Variants in NTM observed in about 807,000 individuals in gnomAD.
NTM encodes neurotrimin.
NTM carries 13 observed loss-of-function variants against 42.1 expected under a neutral mutation model. The ratio of observed to expected loss-of-function variants is 0.31; its 90% CI spans 0.20 to 0.49. NTM has a LOEUF of 0.49. Ranked by LOEUF, NTM falls within the 20% of genes least tolerant of loss-of-function variation. NTM has a pLI of 0.99. For missense variants in NTM, 373 were observed against 452.8 expected, an observed-to-expected ratio of 0.82 and a Z score of 1.60; for synonymous variants, 187 against 179.2, an observed-to-expected ratio of 1.04 and a Z score of -0.35.
At chr11:132,143,565 A>T (rs1292886655) in intron 2 of NTM, among the ~76,000 whole-genome samples, 1 of 152,202 alleles carries the variant, frequency 6.6e-6, no homozygotes, top group Non-Finnish European at 1.5e-5. Flanking sequence ...ATTGGCAATA[A>T]GTGAACCCAA....
rs2090222903 is a variant in NTM at position 131,789,537 on chromosome 11, AAGAAGAAGAAAAGAAG to A, written c.83-122025_83-122010del. ...GAAGAAGAAGAAGAAGAAGAAGAAG[AAGAAGAAGAAAAGAAG>A]AAGAAGAAGAAGAAGAAGAAGAAGA... is the stretch of plus-strand genomic sequence containing the variant. On this transcript the variant is annotated intron_variant, in intron 1 of 8. Coordinates refer to ENST00000683400, the MANE Select transcript of NTM (RefSeq NM_001352005.2). 1.7e-4 allele frequency among the ~76,000 whole-genome samples: 5 copies of A among 29,228 alleles called. 2 individuals are homozygous for A. Among genetic ancestry groups the A allele is most frequent in the Admixed American group, 8.9e-4 (2 of 2,240 alleles). The allele number at this position is 29,228 out of a possible 152,430, so 19.2% of individuals were successfully genotyped here. A position where few individuals can be genotyped will look rare whatever the true frequency, so the allele number is the denominator to read the frequency against.
At chr11:132,325,801 A>G (rs1318764648) in intron 7 of NTM, among the ~76,000 whole-genome samples, 1 of 152,368 alleles carries the variant, frequency 6.6e-6, no homozygotes, top group East Asian at 1.9e-4. Flanking sequence ...GATTAAGAAA[A>G]TGTGGCACAT....
chr11:132,181,954 G>GA, intron 3 of NTM, among the ~76,000 whole-genome samples: 1 of 81,830 alleles, frequency 1.2e-5, no homozygotes, highest in Non-Finnish European at 2.7e-5. Context: ...ACACTATCTA[G>GA]TTTATTATTA....
chr11:131,417,650 G>T (rs1253420761), intron 1 of NTM, among the ~76,000 whole-genome samples: 1 of 152,148 alleles, frequency 6.6e-6, no homozygotes, highest in Non-Finnish European at 1.5e-5. Flanking sequence ...TATTTTAATT[G>T]AGGTGTTCAG....
Position 132,314,834 on chromosome 11 carries a change from A to C in NTM, c.934+131A>C. On this transcript the variant is annotated intron_variant, in intron 7 of 8. Transcript: ENST00000683400. ...AGTGGACATGGAGAGGGAGGAAAAA[A>C]AAGAGAGAGACACAGAAAGAAATGG... The C allele has an allele frequency of 2.9e-6, 4 of 1,400,982 alleles. No individual in the cohort carries two copies. The South Asian group carries it at 5.3e-5, about 18-fold the overall frequency. 86.8% of individuals were successfully genotyped at this position (1,400,982 alleles called of 1,614,324 possible).
intron 2 of NTM, among the ~76,000 whole-genome samples, chr11:132,004,461 T>A (rs1273437215): frequency 6.6e-6 from 1 of 152,212 alleles, no homozygotes; most frequent in Non-Finnish European, 1.5e-5. Flanking sequence ...TTCTCTTGTC[T>A]GGTTAACTTC....
intron 1 of NTM, among the ~76,000 whole-genome samples, chr11:131,637,538 A>G (rs1346089050): frequency 6.6e-6 from 1 of 151,314 alleles, no homozygotes; most frequent in Non-Finnish European, 1.5e-5. Flanking sequence ...CTCTACTTGT[A>G]ATAATCCTGT....
chr11:131,691,832 C>T (rs116787007), intron 1 of NTM, among the ~76,000 whole-genome samples: 2,500 of 152,334 alleles, frequency 0.016, 70 homozygotes, highest in African/African-American at 0.057. Context: ...AGGCGTCTTT[C>T]GTGTGTCATG....
chr11:131,394,732 G>T (rs1944369568), intron 1 of NTM, among the ~76,000 whole-genome samples: 1 of 152,094 alleles, frequency 6.6e-6, no homozygotes, highest in South Asian at 2.1e-4. Flanking sequence ...CTACTGAGAG[G>T]CCCTGCAGAA....
intron 1 of NTM, among the ~76,000 whole-genome samples, chr11:131,789,934 C>T (rs1201243542): frequency 3.3e-4 from 38 of 114,018 alleles, no homozygotes; most frequent in Admixed American, 9.0e-4. Context: ...CCAGCCTGGG[C>T]GACAGAGCGA....
chr11:131,818,312 A>G (rs928728843), intron 1 of NTM, among the ~76,000 whole-genome samples: 2 of 152,194 alleles, frequency 1.3e-5, no homozygotes, highest in Non-Finnish European at 2.9e-5. Flanking sequence ...ACATACTTAA[A>G]CAAAACAGAG....
At chr11:132,271,031 C>T (rs564421286) in intron 4 of NTM, among the ~76,000 whole-genome samples, 1 of 152,130 alleles carries the variant, frequency 6.6e-6, no homozygotes, top group South Asian at 2.1e-4. Flanking sequence ...TGTTATCATC[C>T]CCAACAGAAA....
chr11:131,795,822 T>C (rs2091489683), intron 1 of NTM: 1 of 985,262 alleles, frequency 1.0e-6, no homozygotes, highest in South Asian at 4.7e-5. Flanking sequence ...CTCAGAGTGA[T>C]GGAATGCCTG....
At chr11:132,142,773 A>G (rs1474291032) in intron 2 of NTM, among the ~76,000 whole-genome samples, 1 of 152,202 alleles carries the variant, frequency 6.6e-6, no homozygotes, top group Non-Finnish European at 1.5e-5. Flanking sequence ...GGAGCCGCAG[A>G]ACCATGCTGG....
At chr11:131,561,103 C>T (rs73028194) in intron 1 of NTM, among the ~76,000 whole-genome samples, 43 of 152,174 alleles carry the variant, frequency 2.8e-4, no homozygotes, top group Admixed American at 2.4e-3. Context: ...AGGGAACAAG[C>T]GCAGTCAGGC....
At chr11:132,314,500 G>T (rs730253) in intron 6 of NTM, 52 bp from the exon 7 acceptor site, 2 of 1,558,172 alleles carry the variant, frequency 1.3e-6, no homozygotes, top group Non-Finnish European at 1.7e-6. Context: ...TTCTTCCTAT[G>T]AGGACACATA....
At chr11:131,425,458 T>C (rs757253285) in intron 1 of NTM, among the ~76,000 whole-genome samples, 2 of 152,160 alleles carry the variant, frequency 1.3e-5, no homozygotes, top group Non-Finnish European at 2.9e-5. Flanking sequence ...CCCAACAACA[T>C]GATAACGGGA....
chr11:131,390,816 C>G (rs2135586617), intron 1 of NTM, among the ~76,000 whole-genome samples: 1 of 152,260 alleles, frequency 6.6e-6, no homozygotes, highest in South Asian at 2.1e-4. Context: ...CTCTGGACCT[C>G]TGAGAGGAGG....
At chr11:131,859,357 C>T (rs10894464) in intron 1 of NTM, among the ~76,000 whole-genome samples, 111,578 of 152,110 alleles carry the variant, frequency 0.73, 41,151 homozygotes, top group East Asian at 0.86. Context: ...AAATCTGGAG[C>T]TAATAAAGAC....
Sources: allele counts gnomAD v4.1 joint callset (sites outside exome capture counted in the v4.1 genomes callset), GRCh38; gene constraint gnomAD v4.1.1; transcripts MANE v1.5; gene names NCBI Gene and HGNC (gene_info 2026-07-23, HGNC 2026-07-21).